Variants in ANKRD30BL observed in about 807,000 individuals in gnomAD.
The protein encoded by ANKRD30BL is putative ankyrin repeat domain-containing protein 30B-like.
In ANKRD30BL, 20 loss-of-function variants were observed where a neutral mutation model predicts 18.4. That is an observed-to-expected ratio of 1.09 (90% confidence interval 0.77 to 1.58). ANKRD30BL has a LOEUF of 1.58. ANKRD30BL is among the 40% of genes most tolerant of loss of function. The probability of loss-of-function intolerance (pLI) is 0.00; values close to 1 mark genes in which losing one functional copy is unlikely to be tolerated. For synonymous variants in ANKRD30BL, 72 were observed against 100.9 expected (o/e 0.71, Z 1.72); for missense variants, 224 against 268.6 (o/e 0.83, Z 1.16).
rs375975407 is a variant in ANKRD30BL at position 132,198,872 on chromosome 2, C to T, written n.442-41726G>A. Among the ~76,000 whole-genome samples the T allele has an allele frequency of 4.9e-4, 75 of 152,270 alleles. No homozygotes were observed. The East Asian group carries it at 0.012, about 25-fold the overall frequency. On this transcript the variant is annotated intron_variant and non_coding_transcript_variant, in intron 1 of 4. Coordinates refer to the ANKRD30BL transcript ENST00000470729. Reference sequence around the variant, plus strand: ...ACCTCAGGTGATCCACCCAGCTAGGCCTCCCAAAGTACTGGAATTACAGGC... The same window carrying T: ...ACCTCAGGTGATCCACCCAGCTAGGTCTCCCAAAGTACTGGAATTACAGGC...
At chr2:132,234,801 A>C (rs955820275) in intron 1 of ANKRD30BL, among the ~76,000 whole-genome samples, 5 of 152,196 alleles carry the variant, frequency 3.3e-5, no homozygotes, top group African/African-American at 1.2e-4. Context: ...ATTCCAATCA[A>C]TTGAAAAAGA....
At chr2:132,205,798 A>G (rs1679201463) in intron 1 of ANKRD30BL, among the ~76,000 whole-genome samples, 1 of 152,054 alleles carries the variant, frequency 6.6e-6, no homozygotes, top group Non-Finnish European at 1.5e-5. Flanking sequence ...ACTATGTATT[A>G]TAGGGAATTC....
chr2:132,183,462 C>G (rs6744321), intron 1 of ANKRD30BL, among the ~76,000 whole-genome samples: 6 of 151,928 alleles, frequency 3.9e-5, no homozygotes, highest in Non-Finnish European at 8.8e-5. Flanking sequence ...ATAAATATGA[C>G]GTAAAAAAGG....
intron 1 of ANKRD30BL, among the ~76,000 whole-genome samples, chr2:132,223,173 C>T (rs1172340124): frequency 6.6e-6 from 1 of 152,114 alleles, no homozygotes; most frequent in African/African-American, 2.4e-5. Context: ...ATTCAACTCA[C>T]AGAGTTGAAC....
intron 1 of ANKRD30BL, among the ~76,000 whole-genome samples, chr2:132,256,623 C>T (rs1573904341): frequency 6.6e-6 from 1 of 152,196 alleles, no homozygotes; most frequent in East Asian, 1.9e-4. Flanking sequence ...CTGCGGCTTC[C>T]CCACCGCCGC....
At chr2:132,218,599 G>A (rs532054261) in intron 1 of ANKRD30BL, among the ~76,000 whole-genome samples, 247 of 152,338 alleles carry the variant, frequency 1.6e-3, no homozygotes, top group African/African-American at 5.7e-3. Flanking sequence ...CATTTGGAGC[G>A]CCTTGGGGCC....
intron 1 of ANKRD30BL, among the ~76,000 whole-genome samples, chr2:132,229,348 T>G (rs879183683): frequency 1.7e-4 from 26 of 152,188 alleles, no homozygotes; most frequent in African/African-American, 6.0e-4. Context: ...ATCTAGAAAG[T>G]TGAACATTTC....
chr2:132,176,446 T>G (rs539503929), intron 1 of ANKRD30BL, among the ~76,000 whole-genome samples: 10 of 152,144 alleles, frequency 6.6e-5, no homozygotes, highest in African/African-American at 2.2e-4. Context: ...AAGAATCGCT[T>G]GAACCTGGGA....
chr2:132,195,341 CAT>C (rs931844098), intron 1 of ANKRD30BL, among the ~76,000 whole-genome samples: 14 of 152,014 alleles, frequency 9.2e-5, no homozygotes, highest in South Asian at 2.1e-4. Flanking sequence ...TATTACAAAA[CAT>C]GTGGAGAATT....
intron 1 of ANKRD30BL, among the ~76,000 whole-genome samples, chr2:132,242,779 G>A (rs533521543): frequency 3.3e-5 from 5 of 150,600 alleles, no homozygotes; most frequent in African/African-American, 1.2e-4. Context: ...ACTCACAGAC[G>A]TGAACCTTTC....
chr2:132,204,636 A>G (rs2104750755), intron 1 of ANKRD30BL, among the ~76,000 whole-genome samples: 1 of 152,256 alleles, frequency 6.6e-6, no homozygotes, highest in East Asian at 1.9e-4. Context: ...AAACATTAGC[A>G]GCAACACAGA....
At chr2:132,252,200 T>C (rs989200544) in intron 1 of ANKRD30BL, among the ~76,000 whole-genome samples, 1 of 152,236 alleles carries the variant, frequency 6.6e-6, no homozygotes, top group Non-Finnish European at 1.5e-5. Flanking sequence ...CAATTGATGT[T>C]AACGATGCTA....
rs202222964 is a variant in ANKRD30BL, at chr2:132,233,979, C to A, written n.441+23550G>T. Among the ~76,000 whole-genome samples the A allele has an allele frequency of 8.6e-3, 1,309 of 151,884 alleles. 13 individuals carry two copies. The highest frequency in any genetic ancestry group is 0.028 in the African/African-American group (1,166 of 41,444). Reference sequence around the variant, plus strand: ...AATGTAAAAGAACAGAAATTATAACCAACTATCTCTCAGACCACAGTGCAA... The same window carrying A: ...AATGTAAAAGAACAGAAATTATAACAAACTATCTCTCAGACCACAGTGCAA... On this transcript the variant is annotated intron_variant and non_coding_transcript_variant, in intron 1 of 4. Coordinates refer to the ANKRD30BL transcript ENST00000470729.
At chr2:132,221,820 G>A (rs1679695453) in intron 1 of ANKRD30BL, among the ~76,000 whole-genome samples, 1 of 120,908 alleles carries the variant, frequency 8.3e-6, no homozygotes, top group East Asian at 2.5e-4. Flanking sequence ...GAGGGAGGTG[G>A]GGGGGTCAGC....
intron 1 of ANKRD30BL, among the ~76,000 whole-genome samples, chr2:132,210,577 A>T (rs377091250): frequency 2.0e-5 from 3 of 148,928 alleles, no homozygotes; most frequent in East Asian, 2.0e-4. Context: ...CTGAGAAACT[A>T]CTTTGTGATG....
In ANKRD30BL at chr2:132,227,753, T is replaced by TCTTCTTTG. The variant is rs1161356138; in HGVS notation, n.441+29768_441+29775dup. ...AAACTAGACAGAAGTATTCTCAGAA[T>TCTTCTTTG]CTTCTTTGTGATGTGTGCCTTCAAC... On this transcript the variant is annotated intron_variant and non_coding_transcript_variant, in intron 1 of 4. Coordinates refer to the ANKRD30BL transcript ENST00000470729. Among the ~76,000 whole-genome samples the TCTTCTTTG allele has an allele frequency of 4.6e-5, 7 of 151,920 alleles. No individual in the cohort carries two copies. The East Asian group carries it at 1.4e-3, about 29-fold the overall frequency.
intron 1 of ANKRD30BL, among the ~76,000 whole-genome samples, chr2:132,167,275 T>TTTTTAATTTTATTTTA (rs1238241665): frequency 1.8e-5 from 2 of 111,174 alleles, no homozygotes; most frequent in Admixed American, 9.6e-5. Flanking sequence ...CATTCATTTA[T>TTTTTAATTTTATTTTA]TTTTATTTTA....
intron 1 of ANKRD30BL, among the ~76,000 whole-genome samples, chr2:132,173,876 T>A (rs941906696): frequency 2.6e-5 from 4 of 152,192 alleles, no homozygotes; most frequent in African/African-American, 9.6e-5. Context: ...ATTTTTTCTC[T>A]TGCTATAAAG....
intron 1 of ANKRD30BL, among the ~76,000 whole-genome samples, chr2:132,222,229 G>C (rs1279465115): frequency 2.1e-5 from 3 of 140,568 alleles, no homozygotes; most frequent in African/African-American, 7.9e-5. Context: ...TCAGCCCCCC[G>C]CCCGGCCAGC....
Sources: allele counts gnomAD v4.1 joint callset (sites outside exome capture counted in the v4.1 genomes callset), GRCh38; gene constraint gnomAD v4.1.1; transcripts MANE v1.5; gene names NCBI Gene and HGNC (gene_info 2026-07-23, HGNC 2026-07-21).